ALK: variants seen among roughly 807,000 people sequenced by gnomAD.
ALK encodes the protein ALK tyrosine kinase receptor.
Under a neutral mutation model 163.1 loss-of-function variants are expected in ALK, and 74 were observed. The observed-to-expected ratio is 0.45, with a 90% confidence interval of 0.38 to 0.55. The LOEUF (loss-of-function observed/expected upper bound fraction) is 0.55, where lower values mean the gene tolerates loss of function less well. ALK is among the 20% of genes least tolerant of loss of function. ALK has a pLI of 0.00. For missense variants in ALK, 2,063 were observed against 2,105.3 expected (o/e 0.98, Z 0.39); for synonymous variants, 960 against 843.2 (o/e 1.14, Z -2.40).
At chr2:29,194,721 T>C (rs1317088120) in intron 28 of ALK, among the ~76,000 whole-genome samples, 2 of 138,358 alleles carry the variant, frequency 1.4e-5, no homozygotes, top group Non-Finnish European at 3.0e-5. Context: ...ATTCAACATG[T>C]TGGCCAGGCT....
rs970831962 is a variant in ALK at position 29,921,129 on chromosome 2, C to G, written c.-470G>C. 7 of 241,538 alleles carry G rather than the reference C, an allele frequency of 2.9e-5. No individual in the cohort carries two copies. Among genetic ancestry groups the G allele is most frequent in the East Asian group, 2.4e-4 (4 of 16,758 alleles). The allele number at this position is 241,538 out of a possible 1,614,324, so 15.0% of individuals were successfully genotyped here. On this transcript the variant is annotated 5_prime_UTR_variant, in exon 1 of 29. Transcript: ENST00000389048. ...AGAACGGCGGCTCCCAGCTGCTGCA[C>G]GCTGTCCTGGCCGCCTTTTGCGTTC...
At chr2:29,655,393 C>T (rs887808732) in intron 3 of ALK, among the ~76,000 whole-genome samples, 22 of 152,140 alleles carry the variant, frequency 1.4e-4, no homozygotes, top group Admixed American at 3.3e-4. Flanking sequence ...AATAATACAC[C>T]AGTTCTGTAT....
At chr2:29,461,637 G>A (rs1671086454) in intron 4 of ALK, among the ~76,000 whole-genome samples, 2 of 152,116 alleles carry the variant, frequency 1.3e-5, no homozygotes, top group Non-Finnish European at 2.9e-5. Flanking sequence ...ATTGCTCAGA[G>A]AAAAAGATTC....
chr2:29,879,171 C>A (rs1666795658), intron 1 of ALK, among the ~76,000 whole-genome samples: 1 of 152,156 alleles, frequency 6.6e-6, no homozygotes. Context: ...GCATGGCAGC[C>A]CAGGACACAC....
intron 23 of ALK, among the ~76,000 whole-genome samples, chr2:29,220,273 G>A (rs1041391165): frequency 1.3e-5 from 2 of 151,996 alleles, no homozygotes; most frequent in Non-Finnish European, 2.9e-5. Flanking sequence ...AGTGTACAGC[G>A]CTTCCCCCTT....
intron 3 of ALK, among the ~76,000 whole-genome samples, chr2:29,631,848 C>T (rs980039492): frequency 6.6e-6 from 1 of 152,218 alleles, no homozygotes; most frequent in African/African-American, 2.4e-5. Flanking sequence ...GCCACATATC[C>T]TCTGCTCTAG....
intron 8 of ALK, among the ~76,000 whole-genome samples, chr2:29,302,032 G>T (rs555926445): frequency 6.6e-6 from 1 of 152,342 alleles, no homozygotes; most frequent in Admixed American, 6.5e-5. Context: ...CAGCCAGGAA[G>T]ATAGAATTTA....
In ALK at chr2:29,251,187, A is replaced by C; in HGVS notation, c.2122T>G (p.Ser708Ala). The change falls in exon 12 of 29, where the codon TCC becomes GCC. Residue 708 changes from serine (S) to alanine (A), a missense_variant. By Grantham distance (99) the Ser-to-Ala change is moderately conservative. Coordinates refer to ENST00000389048, the MANE Select transcript of ALK (RefSeq NM_004304.5). ...CTCCCCACCTCCACGCTCAGGTTGGAGTTCTGGTAGGCGTTGTTGCACTGT... is the reference window on the plus strand; with the variant it reads ...CTCCCCACCTCCACGCTCAGGTTGGCGTTCTGGTAGGCGTTGTTGCACTGT... Reference protein sequence around the residue: ...QAQCNNAYQNSNLSVEVGSEG... With the variant: ...QAQCNNAYQNANLSVEVGSEG... The C allele has an allele frequency of 6.2e-7, 1 of 1,614,050 alleles. No individual in the cohort carries two copies. Among genetic ancestry groups the C allele is most frequent in the Non-Finnish European group, 8.5e-7 (1 of 1,179,984 alleles).
At chr2:29,776,518 C>T (rs1039690937) in intron 1 of ALK, among the ~76,000 whole-genome samples, 1 of 152,172 alleles carries the variant, frequency 6.6e-6, no homozygotes, top group African/African-American at 2.4e-5. Flanking sequence ...TTGTCCCTCT[C>T]GCTCATGGCA....
At chr2:29,894,350 C>T (rs138120656) in intron 1 of ALK, among the ~76,000 whole-genome samples, 1,548 of 152,190 alleles carry the variant, frequency 0.01, 10 homozygotes, top group Non-Finnish European at 0.015. Flanking sequence ...TGCTCCACAA[C>T]TGAACAGTGA....
chr2:29,267,828 C>G (rs1665259854), intron 11 of ALK, among the ~76,000 whole-genome samples: 1 of 152,186 alleles, frequency 6.6e-6, no homozygotes, highest in African/African-American at 2.4e-5. Flanking sequence ...GTTTTACAGG[C>G]AGAAGCAGCA....
chr2:29,814,388 C>A (rs538284248), intron 1 of ALK, among the ~76,000 whole-genome samples: 1 of 151,470 alleles, frequency 6.6e-6, no homozygotes, highest in African/African-American at 2.4e-5. Context: ...AGGCCGGGCA[C>A]GGTGGCTCAC....
intron 1 of ALK, among the ~76,000 whole-genome samples, chr2:29,745,679 G>T (rs781074531): frequency 6.6e-6 from 1 of 152,132 alleles, no homozygotes; most frequent in Admixed American, 6.5e-5. Context: ...TATCAAAGTA[G>T]GTCCCCGCTT....
intron 1 of ALK, among the ~76,000 whole-genome samples, chr2:29,744,321 G>C (rs1680147967): frequency 6.6e-6 from 1 of 152,200 alleles, no homozygotes; most frequent in South Asian, 2.1e-4. Context: ...ATGGCAGGGG[G>C]TGGGTTGGAG....
chr2:29,319,564 G>C (rs979362312), intron 7 of ALK, among the ~76,000 whole-genome samples: 2 of 152,198 alleles, frequency 1.3e-5, no homozygotes, highest in African/African-American at 4.8e-5. Context: ...GGGGCAAAAG[G>C]CATGATAAAT....
chr2:29,791,466 C>T (rs1664187167), intron 1 of ALK, among the ~76,000 whole-genome samples: 1 of 152,084 alleles, frequency 6.6e-6, no homozygotes, highest in South Asian at 2.1e-4. Flanking sequence ...ACATCACACA[C>T]CAGGGCCTGT....
At chr2:29,724,109 T>C (rs1169531609) in intron 1 of ALK, among the ~76,000 whole-genome samples, 1 of 152,220 alleles carries the variant, frequency 6.6e-6, no homozygotes, top group Admixed American at 6.5e-5. Context: ...TATGCATGTG[T>C]GATGGTTATT....
intron 1 of ALK, among the ~76,000 whole-genome samples, chr2:29,778,355 G>A (rs1681236631): frequency 2.0e-5 from 3 of 152,192 alleles, no homozygotes; most frequent in African/African-American, 7.2e-5. Flanking sequence ...AATAAAGAAT[G>A]CCTATGTGGT....
At chr2:29,561,797 T>C (rs1674030227) in intron 3 of ALK, among the ~76,000 whole-genome samples, 1 of 152,196 alleles carries the variant, frequency 6.6e-6, no homozygotes, top group Non-Finnish European at 1.5e-5. Flanking sequence ...TTCCCAACCC[T>C]GGCTCCCCAT....
Sources: allele counts gnomAD v4.1 joint callset (sites outside exome capture counted in the v4.1 genomes callset), GRCh38; gene constraint gnomAD v4.1.1; transcripts MANE v1.5; gene names NCBI Gene and HGNC (gene_info 2026-07-23, HGNC 2026-07-21).